DSCAML1: variants seen among roughly 807,000 people sequenced by gnomAD.
The protein encoded by DSCAML1 is DS cell adhesion molecule like 1.
In DSCAML1, 38 loss-of-function variants were observed where a neutral mutation model predicts 200.5. The observed-to-expected ratio is 0.19, with a 90% CI of 0.15 to 0.25. The LOEUF (loss-of-function observed/expected upper bound fraction) is 0.25. Ranked by LOEUF, DSCAML1 falls within the 10% of genes least tolerant of loss-of-function variation. The pLI is 1.00. For missense variants in DSCAML1, 2,223 were observed against 2,858.8 expected (o/e 0.78, Z 5.07); for synonymous variants, 1,215 against 1,165.0 (o/e 1.04, Z -0.87).
At chr11:117,763,008 G>A (rs2054832745) in intron 3 of DSCAML1, among the ~76,000 whole-genome samples, 2 of 152,130 alleles carry the variant, frequency 1.3e-5, no homozygotes, top group African/African-American at 4.8e-5. Flanking sequence ...TCCCCACGTT[G>A]CTTAAACTCT....
intron 3 of DSCAML1, among the ~76,000 whole-genome samples, chr11:117,569,866 T>C (rs941534426): frequency 4.6e-5 from 7 of 152,284 alleles, no homozygotes; most frequent in African/African-American, 1.7e-4. Flanking sequence ...GCAATCCCAG[T>C]GGAGGGCTCT....
rs190111552 is a variant in DSCAML1, at chr11:117,724,381, C to T, written c.511+52410G>A. Among the ~76,000 whole-genome samples, 13 of 152,198 alleles carry T rather than the reference C, an allele frequency of 8.5e-5. No homozygotes were observed. In the East Asian group the frequency reaches 1.2e-3, roughly 14 times the overall value. ...GCGGGAAAGAAGAATGAGGAAGACC[C>T]GCCAGGAAGAGGGGGCTGGGCTGTG... is the stretch of plus-strand genomic sequence containing the variant. On this transcript the variant is annotated intron_variant, in intron 3 of 32. Coordinates refer to ENST00000651296, the MANE Select transcript of DSCAML1 (RefSeq NM_020693.4).
rs1375552790 is a variant in DSCAML1 at position 117,504,616 on chromosome 11, G to T, written c.2182+308C>A. 6.6e-6 allele frequency among the ~76,000 whole-genome samples: 1 copy of T among 152,188 alleles called. No homozygotes were observed. The highest frequency in any genetic ancestry group is 1.5e-5 in the Non-Finnish European group (1 of 68,036). On this transcript the variant is annotated intron_variant, in intron 10 of 32. Transcript: ENST00000651296. The surrounding 1 kb of genome is among the most constrained non-coding windows in gnomAD (Gnocchi z 5.0). ...GGCTTTGAGGCTCTGGGGCCCCAGG[G>T]GAGGGTGCGGTAGGGAAAGCAGGCA...
chr11:117,462,934 C>T (rs945491394), intron 17 of DSCAML1, among the ~76,000 whole-genome samples: 17 of 152,238 alleles, frequency 1.1e-4, no homozygotes, highest in Admixed American at 2.6e-4. Context: ...GCTGATCTCT[C>T]CCTGTTGGAA....
chr11:117,765,349 G>C (rs2054877388), intron 3 of DSCAML1, among the ~76,000 whole-genome samples: 1 of 152,176 alleles, frequency 6.6e-6, no homozygotes, highest in African/African-American at 2.4e-5. Flanking sequence ...TGGGAGGCTT[G>C]GGCTTTGGCC....
intron 19 of DSCAML1, among the ~76,000 whole-genome samples, chr11:117,453,697 CA>C (rs1241241576): frequency 6.6e-6 from 1 of 150,746 alleles, no homozygotes; most frequent in Non-Finnish European, 1.5e-5. Flanking sequence ...TTTTCTTTAT[CA>C]GCTTTAATAT....
chr11:117,501,872 G>C (rs1360575732), intron 11 of DSCAML1, among the ~76,000 whole-genome samples: 1 of 152,112 alleles, frequency 6.6e-6, no homozygotes, highest in Non-Finnish European at 1.5e-5. Flanking sequence ...CTGCAGATGA[G>C]GACATGGGGG....
In DSCAML1 at chr11:117,442,367, TTA is replaced by T. The variant is rs547511158; in HGVS notation, c.3862+1517_3862+1518del. 5.8e-3 allele frequency among the ~76,000 whole-genome samples: 879 copies of T among 152,072 alleles called. 25 individuals carry two copies. Among genetic ancestry groups the T allele is most frequent in the Non-Finnish European group, 3.6e-3 (246 of 67,950 alleles). On this transcript the variant is annotated intron_variant, in intron 21 of 32. Coordinates refer to ENST00000651296, the MANE Select transcript of DSCAML1 (RefSeq NM_020693.4). ...GTGTGTGCATGTGTGTATGCATATA[TTA>T]GTGTGTATAGTGTGTGTATGCATGT...
chr11:117,779,252 G>A (rs1306859365), intron 2 of DSCAML1, among the ~76,000 whole-genome samples: 2 of 152,120 alleles, frequency 1.3e-5, no homozygotes, highest in Non-Finnish European at 2.9e-5. Context: ...AAACGTCAGT[G>A]CTTTATAATG....
Position 117,543,336 on chromosome 11 carries a change from C to CGTGTGTGTACCTGCACTG in DSCAML1, c.512-10832_512-10815dup, listed in dbSNP as rs973407689. ...CTGCACTGGCTTGTGAACCTGTGCT[C>CGTGTGTGTACCTGCACTG]GTGTGTGTACCTGCACTGGTGTGTG... On this transcript the variant is annotated intron_variant, in intron 3 of 32. Transcript: ENST00000651296. Among the ~76,000 whole-genome samples the CGTGTGTGTACCTGCACTG allele has an allele frequency of 4.0e-5, 6 of 151,656 alleles. 1 individual carries two copies. The highest frequency in any genetic ancestry group is 4.2e-4 in the South Asian group (2 of 4,784).
chr11:117,632,855 A>C (rs1262847835), intron 3 of DSCAML1, among the ~76,000 whole-genome samples: 1 of 152,254 alleles, frequency 6.6e-6, no homozygotes, highest in Admixed American at 6.5e-5. Flanking sequence ...TGTATCATTT[A>C]ATTCTCTCAA....
At chr11:117,585,586 A>G (rs1246413343) in intron 3 of DSCAML1, among the ~76,000 whole-genome samples, 1 of 152,180 alleles carries the variant, frequency 6.6e-6, no homozygotes, top group Non-Finnish European at 1.5e-5. Flanking sequence ...TCCTACAAAT[A>G]TATCTGTAAG....
At chr11:117,806,525 C>T (rs1444288214) in intron 1 of DSCAML1, among the ~76,000 whole-genome samples, 1 of 152,224 alleles carries the variant, frequency 6.6e-6, no homozygotes, top group Non-Finnish European at 1.5e-5. Flanking sequence ...CTACTAATAA[C>T]AATGATTATA....
intron 3 of DSCAML1, among the ~76,000 whole-genome samples, chr11:117,623,329 G>T (rs1591332700): frequency 6.8e-6 from 1 of 146,128 alleles, no homozygotes; most frequent in African/African-American, 2.5e-5. Flanking sequence ...TGATTCTCCT[G>T]TCTCAGCCTC....
chr11:117,558,264 A>C (rs1438574437), intron 3 of DSCAML1, among the ~76,000 whole-genome samples: 1 of 152,134 alleles, frequency 6.6e-6, no homozygotes, highest in African/African-American at 2.4e-5. Flanking sequence ...ACGAAACGTG[A>C]GCAAGTGAGG....
chr11:117,754,116 C>T (rs369151885), intron 3 of DSCAML1, among the ~76,000 whole-genome samples: 21 of 152,202 alleles, frequency 1.4e-4, no homozygotes, highest in East Asian at 5.8e-4. Context: ...GTTGAGCAAG[C>T]CTGGAATGGG....
At chr11:117,678,853 C>T (rs575816559) in intron 3 of DSCAML1, among the ~76,000 whole-genome samples, 8 of 152,360 alleles carry the variant, frequency 5.3e-5, no homozygotes, top group South Asian at 2.1e-4. Context: ...GGCTTCTACT[C>T]GGAATGGGGC....
intron 3 of DSCAML1, among the ~76,000 whole-genome samples, chr11:117,769,128 A>C (rs2054953216): frequency 1.6e-5 from 2 of 127,156 alleles, no homozygotes; most frequent in Admixed American, 1.0e-4. Flanking sequence ...TATATATATT[A>C]TGTATATTAT....
At chr11:117,471,077 G>A (rs2048676377) in intron 15 of DSCAML1, among the ~76,000 whole-genome samples, 1 of 152,188 alleles carries the variant, frequency 6.6e-6, no homozygotes, top group African/African-American at 2.4e-5. Flanking sequence ...GGGGACTTCT[G>A]CCATGCTGGC....
Sources: allele counts gnomAD v4.1 joint callset (sites outside exome capture counted in the v4.1 genomes callset), GRCh38; gene constraint gnomAD v4.1.1; non-coding constraint Gnocchi (gnomAD v3.1); transcripts MANE v1.5; gene names NCBI Gene and HGNC (gene_info 2026-07-23, HGNC 2026-07-21).